Variants in CLIP1 observed in about 807,000 individuals in gnomAD.
CLIP1 encodes the protein CAP-Gly domain containing linker protein 1.
CLIP1 carries 66 observed loss-of-function variants against 161.6 expected under a neutral mutation model. The observed-to-expected ratio is 0.41, with a 90% CI of 0.33 to 0.50. The LOEUF (loss-of-function observed/expected upper bound fraction) is 0.50. CLIP1 is among the 20% of genes least tolerant of loss of function. The pLI is 0.27. For missense variants in CLIP1, 1,376 were observed against 1,702.0 expected (o/e 0.81, Z 3.37); for synonymous variants, 598 against 626.2 (o/e 0.96, Z 0.67).
In CLIP1 at chr12:122,278,569, C is replaced by G. The variant is rs1337501920; in HGVS notation, c.3916+223G>C. 2.6e-5 allele frequency: 14 copies of G among 529,280 alleles called. No individual in the cohort carries two copies. In the Admixed American group the frequency reaches 5.0e-4, roughly 19 times the overall value. 32.8% of individuals were successfully genotyped at this position (529,280 alleles called of 1,614,324 possible). On this transcript the variant is annotated intron_variant, in intron 23 of 25. Coordinates refer to ENST00000620786, the MANE Select transcript of CLIP1 (RefSeq NM_001247997.2). ...CCCCAGTCTGGATGGCAGCAGGCAG[C>G]CATCATAGTAGGTTTGTGACAATAT... is the stretch of plus-strand genomic sequence containing the variant.
At chr12:122,356,981 C>T (rs1353824216) in intron 5 of CLIP1, among the ~76,000 whole-genome samples, 1 of 152,230 alleles carries the variant, frequency 6.6e-6, no homozygotes, top group African/African-American at 2.4e-5. Context: ...GTGATCTCGG[C>T]TCGCTACAAC....
intron 3 of CLIP1, among the ~76,000 whole-genome samples, chr12:122,376,511 G>C (rs1273201331): frequency 6.6e-6 from 1 of 152,010 alleles, no homozygotes; most frequent in Non-Finnish European, 1.5e-5. Context: ...CTGTCTCCTA[G>C]GCTGGAGTGC....
chr12:122,361,695 G>C (rs1383531459), intron 4 of CLIP1, among the ~76,000 whole-genome samples: 2 of 152,068 alleles, frequency 1.3e-5, no homozygotes, highest in African/African-American at 4.8e-5. Context: ...GACAGACCCC[G>C]TCTCTACAAA....
At position 122,355,132 on chromosome 12, in the gene CLIP1, G is replaced by T; in HGVS notation, c.1186C>A (p.Arg396=). 6.2e-7 allele frequency: 1 copy of T among 1,614,078 alleles called. No individual in the cohort carries two copies. Among genetic ancestry groups the T allele is most frequent in the Non-Finnish European group, 8.5e-7 (1 of 1,179,978 alleles). The change falls in exon 6 of 26, where the codon CGG becomes AGG. Residue 396 remains arginine (R), a synonymous_variant. Transcript: ENST00000620786. This position sits in a 1 kb window ranked among gnomAD's most constrained non-coding sequence, Gnocchi z 4.1. ...GEIEQELALA[R]DGHDQHVLEL... is the part of the protein sequence containing the mutation. Reference sequence around the variant, plus strand: ...GACTTCACCTGGTCATGTCCGTCCCGGGCCAGAGCTAGCTCCTGCTCTATC... The same window carrying T: ...GACTTCACCTGGTCATGTCCGTCCCTGGCCAGAGCTAGCTCCTGCTCTATC...
chr12:122,348,620 T>C (rs545667723), intron 9 of CLIP1, among the ~76,000 whole-genome samples: 2 of 152,214 alleles, frequency 1.3e-5, no homozygotes, highest in African/African-American at 4.8e-5. Flanking sequence ...ATAATCTAGG[T>C]CCAAATGTAC....
chr12:122,296,151 C>T (rs1376857664), intron 20 of CLIP1, among the ~76,000 whole-genome samples: 1 of 152,042 alleles, frequency 6.6e-6, no homozygotes, highest in African/African-American at 2.4e-5. Flanking sequence ...ATTTATGTGA[C>T]CTACTAAAAA....
chr12:122,328,310 T>C lies in CLIP1; in HGVS notation c.2984A>G (p.Lys995Arg). The change falls in exon 16 of 26, where the codon AAA becomes AGA. Residue 995 changes from lysine to arginine, a missense_variant. By Grantham distance (26) the Lys-to-Arg change is conservative (BLOSUM62 2). Coordinates refer to ENST00000620786, the MANE Select transcript of CLIP1 (RefSeq NM_001247997.2). ...KAEQSQQEAA[K>R]KHEEEKKELE... Reference sequence around the variant, plus strand: ...TTCTTTCTTTTCTTCCTCATGCTTTTTAGCTGCTTCTTGCTGGCTCTGTTC... The same window carrying C: ...TTCTTTCTTTTCTTCCTCATGCTTTCTAGCTGCTTCTTGCTGGCTCTGTTC... 12 of 1,614,186 alleles carry C rather than the reference T, an allele frequency of 7.4e-6. No homozygotes were observed. The highest frequency in any genetic ancestry group is 1.0e-5 in the Non-Finnish European group (12 of 1,180,030).
intron 9 of CLIP1, 132 bp downstream of exon 9, chr12:122,350,979 C>T (rs913083886): frequency 6.6e-6 from 4 of 602,262 alleles, no homozygotes; most frequent in African/African-American, 3.7e-5. Flanking sequence ...AAGCCACATG[C>T]ACAGAAACAT....
chr12:122,385,089 C>T (rs1334533483), intron 1 of CLIP1, among the ~76,000 whole-genome samples: 1 of 151,828 alleles, frequency 6.6e-6, no homozygotes, highest in African/African-American at 2.4e-5. Context: ...CCCACCACCA[C>T]GCCCAGCTAA....
chr12:122,414,926 C>T (rs868381557), intron 1 of CLIP1, among the ~76,000 whole-genome samples: 18 of 152,072 alleles, frequency 1.2e-4, no homozygotes, highest in South Asian at 8.3e-4. Flanking sequence ...GGCATGGTGG[C>T]GCATGCCTAT....
At chr12:122,354,931 A>T (rs1439124815) in intron 6 of CLIP1, 184 bp downstream of exon 6, 1 of 616,714 alleles carries the variant, frequency 1.6e-6, no homozygotes, top group Non-Finnish European at 2.8e-6. Flanking sequence ...ACAAAACTTC[A>T]TCTCTGTGAT....
chr12:122,365,797 C>T (rs1246236986), intron 3 of CLIP1, among the ~76,000 whole-genome samples: 1 of 151,804 alleles, frequency 6.6e-6, no homozygotes, highest in Non-Finnish European at 1.5e-5. Flanking sequence ...TGCTCGAGCC[C>T]AGGAGTTCGA....
At chr12:122,299,100 C>T (rs1396179507) in intron 20 of CLIP1, among the ~76,000 whole-genome samples, 4 of 152,184 alleles carry the variant, frequency 2.6e-5, no homozygotes, top group Non-Finnish European at 5.9e-5. Context: ...GCTGAAAAGA[C>T]AACAGCTACT....
chr12:122,393,172 T>G (rs528687758), intron 1 of CLIP1, among the ~76,000 whole-genome samples: 2 of 151,828 alleles, frequency 1.3e-5, no homozygotes, highest in East Asian at 3.9e-4. Context: ...TCTTGTTTTT[T>G]TTTTTTTTTT....
intron 3 of CLIP1, among the ~76,000 whole-genome samples, chr12:122,372,084 C>T (rs996527908): frequency 2.2e-4 from 34 of 151,854 alleles, no homozygotes; most frequent in African/African-American, 6.8e-4. Context: ...GAGTTCGAGA[C>T]CATACTGGCC....
chr12:122,397,812 G>A (rs1050274087), intron 1 of CLIP1, among the ~76,000 whole-genome samples: 2 of 151,406 alleles, frequency 1.3e-5, no homozygotes, highest in Admixed American at 6.6e-5. Context: ...AAAATTAGTC[G>A]AGAGTGGAGG....
intron 3 of CLIP1, among the ~76,000 whole-genome samples, chr12:122,369,167 T>G (rs1395153869): frequency 6.6e-6 from 1 of 151,996 alleles, no homozygotes; most frequent in African/African-American, 2.4e-5. Flanking sequence ...TACAGGCATG[T>G]GCCACCACGC....
At chr12:122,393,643 G>A (rs1288432084) in intron 1 of CLIP1, among the ~76,000 whole-genome samples, 1 of 152,098 alleles carries the variant, frequency 6.6e-6, no homozygotes, top group Non-Finnish European at 1.5e-5. Context: ...TGGGCACGGT[G>A]GCTCCCACCT....
intron 21 of CLIP1, among the ~76,000 whole-genome samples, chr12:122,288,042 T>A (rs955103491): frequency 1.3e-5 from 2 of 152,100 alleles, no homozygotes; most frequent in African/African-American, 4.8e-5. Context: ...CTTTTTCTTT[T>A]TTTTTTTTGA....
Sources: allele counts gnomAD v4.1 joint callset (sites outside exome capture counted in the v4.1 genomes callset), GRCh38; gene constraint gnomAD v4.1.1; non-coding constraint Gnocchi (gnomAD v3.1); transcripts MANE v1.5; gene names NCBI Gene and HGNC (gene_info 2026-07-23, HGNC 2026-07-21).